FAM110B: variants seen among roughly 807,000 people sequenced by gnomAD.
FAM110B encodes family with sequence similarity 110 member B, also known as protein FAM110B.
In FAM110B, 6 loss-of-function variants were observed where a neutral mutation model predicts 20.4. That is an observed-to-expected ratio of 0.29 (90% CI 0.16 to 0.58). The LOEUF (loss-of-function observed/expected upper bound fraction) is 0.58, where lower values mean the gene tolerates loss of function less well. Among genes scored for constraint, FAM110B ranks in the 20% least tolerant of loss-of-function variants. FAM110B has a pLI of 0.90. For synonymous variants in FAM110B, 226 were observed against 214.1 expected (o/e 1.06, Z -0.49); for missense variants, 434 against 498.2 (o/e 0.87, Z 1.23).
chr8:58,010,493 TACTCTGTTG>T (rs1804509701), intron 1 of FAM110B, among the ~76,000 whole-genome samples: 1 of 152,210 alleles, frequency 6.6e-6, no homozygotes, highest in African/African-American at 2.4e-5. Flanking sequence ...CCATGAGCCA[TACTCTGTTG>T]AGTGATCTGG....
At chr8:58,133,391 C>T (rs16923100) in intron 3 of FAM110B, among the ~76,000 whole-genome samples, 7,552 of 152,126 alleles carry the variant, frequency 0.05, 311 homozygotes, top group East Asian at 0.19. Context: ...CTCTGCTGTC[C>T]GCCAGTATCT....
Position 58,034,222 on chromosome 8 carries a change from A to T in FAM110B, c.-414+2519A>T, listed in dbSNP as rs951751441. On this transcript the variant is annotated intron_variant, in intron 2 of 3. Coordinates refer to ENST00000519262, the MANE Select transcript of FAM110B (RefSeq NM_001377989.1). The stretch of plus-strand genomic sequence containing the variant: ...TCCTGGAATGCCTAGTGCCCTGGAC[A>T]CTCAGAAACCCTGTCATTTGGGTCT... Among the ~76,000 whole-genome samples, 5 of 152,250 alleles carry T rather than the reference A, an allele frequency of 3.3e-5. No homozygotes were observed. In the East Asian group the frequency reaches 9.6e-4, roughly 29 times the overall value.
At chr8:58,144,141 G>T (rs777239648) in intron 3 of FAM110B, among the ~76,000 whole-genome samples, 1 of 152,142 alleles carries the variant, frequency 6.6e-6, no homozygotes, top group Non-Finnish European at 1.5e-5. Context: ...CAAAGCTGAA[G>T]GTTGCAGATC....
At position 58,025,103 on chromosome 8, in the gene FAM110B, C is replaced by G. The variant is rs79871624; in HGVS notation, c.-511-6503C>G. Among the ~76,000 whole-genome samples the G allele has an allele frequency of 3.6e-3, 554 of 152,298 alleles. 2 individuals are homozygous for G. Among genetic ancestry groups the G allele is most frequent in the Admixed American group, 7.1e-3 (109 of 15,298 alleles). ...TGAAGTGTCACATCCTGGGCCACAT[C>G]CCAGTGATTAAGATAACCAGGCAGG... On this transcript the variant is annotated intron_variant, in intron 1 of 3. Transcript: ENST00000519262.
chr8:58,103,540 G>T (rs896929652), intron 3 of FAM110B, among the ~76,000 whole-genome samples: 12 of 152,096 alleles, frequency 7.9e-5, no homozygotes, highest in Middle Eastern at 3.2e-3. Context: ...AAACATTCAT[G>T]TCCCTTCCCA....
chr8:58,087,437 G>C (rs1262568810), intron 3 of FAM110B, among the ~76,000 whole-genome samples: 1 of 152,166 alleles, frequency 6.6e-6, no homozygotes, highest in Non-Finnish European at 1.5e-5. Context: ...GGCCTGGAGG[G>C]GTGGAGTAAA....
intron 1 of FAM110B, among the ~76,000 whole-genome samples, chr8:58,022,115 T>C (rs1299743180): frequency 6.6e-6 from 1 of 152,140 alleles, no homozygotes; most frequent in Non-Finnish European, 1.5e-5. Context: ...ATAAACACAG[T>C]GATTTGTATT....
At chr8:58,026,078 C>T (rs1048141973) in intron 1 of FAM110B, among the ~76,000 whole-genome samples, 1 of 152,190 alleles carries the variant, frequency 6.6e-6, no homozygotes, top group African/African-American at 2.4e-5. Context: ...ACATTCACAA[C>T]ATAATAGAAC....
At chr8:58,021,442 G>A (rs550037525) in intron 1 of FAM110B, among the ~76,000 whole-genome samples, 2 of 152,264 alleles carry the variant, frequency 1.3e-5, no homozygotes, top group African/African-American at 4.8e-5. Flanking sequence ...CCAATCACAT[G>A]TAAGCCAGAA....
intron 2 of FAM110B, among the ~76,000 whole-genome samples, chr8:58,052,772 CTTTTTTTTTTTTTTTTTTT>C (rs71248165): frequency 7.6e-5 from 4 of 52,340 alleles, no homozygotes; most frequent in Admixed American, 5.7e-4. Flanking sequence ...GTGATGGACT[CTTTTTTTTTTTTTTTTTTT>C]TTTTTTTTTT....
chr8:58,023,494 C>T (rs1292446908), intron 1 of FAM110B, among the ~76,000 whole-genome samples: 4 of 152,158 alleles, frequency 2.6e-5, no homozygotes, highest in African/African-American at 7.2e-5. Context: ...GTTTTGGACT[C>T]ATGAATCTCA....
At chr8:58,043,964 A>G (rs1224495193) in intron 2 of FAM110B, among the ~76,000 whole-genome samples, 2 of 152,240 alleles carry the variant, frequency 1.3e-5, no homozygotes, top group Non-Finnish European at 2.9e-5. Flanking sequence ...TAGTGTCTTC[A>G]AAAAATGTAA....
At chr8:58,011,995 T>C (rs1372693665) in intron 1 of FAM110B, among the ~76,000 whole-genome samples, 1 of 152,194 alleles carries the variant, frequency 6.6e-6, no homozygotes, top group African/African-American at 2.4e-5. Flanking sequence ...ACACGACATC[T>C]CACTGTATTT....
Position 58,016,601 on chromosome 8 carries a change from T to C in FAM110B, c.-511-15005T>C, listed in dbSNP as rs1478989196. Among the ~76,000 whole-genome samples, 3 of 152,210 alleles carry C rather than the reference T, an allele frequency of 2.0e-5. No individual in the cohort carries two copies. The East Asian group carries it at 5.8e-4, about 29-fold the overall frequency. On this transcript the variant is annotated intron_variant, in intron 1 of 3. Transcript: ENST00000519262. ...GGCCAGCCAAGAACCTGAAGGAAGA[T>C]CTTTCATAATGTCTCAGTTTGGCTA...
chr8:58,116,807 T>C (rs1807227147), intron 3 of FAM110B, among the ~76,000 whole-genome samples: 3 of 152,168 alleles, frequency 2.0e-5, no homozygotes, highest in South Asian at 4.1e-4. Context: ...TAAATTACCT[T>C]ATTTGTTTTG....
At chr8:58,085,408 G>A (rs1400300995) in intron 3 of FAM110B, among the ~76,000 whole-genome samples, 1 of 152,194 alleles carries the variant, frequency 6.6e-6, no homozygotes, top group African/African-American at 2.4e-5. Flanking sequence ...AGCCACTCGG[G>A]AGGCTGAGGC....
chr8:57,997,713 A>G (rs535407670), intron 1 of FAM110B, among the ~76,000 whole-genome samples: 2 of 152,340 alleles, frequency 1.3e-5, no homozygotes, highest in African/African-American at 4.8e-5. Flanking sequence ...CAAGAAAAAT[A>G]CATTCATTCT....
chr8:58,048,933 G>A (rs1008053701), intron 2 of FAM110B, among the ~76,000 whole-genome samples: 1 of 152,196 alleles, frequency 6.6e-6, no homozygotes, highest in South Asian at 2.1e-4. Context: ...ATGGATTATC[G>A]TGGGGAAGTC....
At chr8:58,019,307 C>A (rs1324426517) in intron 1 of FAM110B, among the ~76,000 whole-genome samples, 1 of 126,402 alleles carries the variant, frequency 7.9e-6, no homozygotes, top group Admixed American at 9.4e-5. Flanking sequence ...CACTGCACTC[C>A]AGCCTGGCGA....
Sources: allele counts gnomAD v4.1 joint callset (sites outside exome capture counted in the v4.1 genomes callset), GRCh38; gene constraint gnomAD v4.1.1; transcripts MANE v1.5; gene names NCBI Gene and HGNC (gene_info 2026-07-23, HGNC 2026-07-21).